Variants in KLHL7 observed in about 807,000 individuals in gnomAD.
The protein encoded by KLHL7 is kelch-like protein 7.
A neutral mutation model predicts 67.4 loss-of-function variants in KLHL7; 44 were observed. That is an observed-to-expected ratio of 0.65 (90% confidence interval 0.51 to 0.84). The LOEUF (loss-of-function observed/expected upper bound fraction) is 0.84, where lower values mean the gene tolerates loss of function less well. KLHL7 is among the 40% of genes least tolerant of loss of function. The pLI, the probability that KLHL7 is intolerant of heterozygous loss-of-function variation, is 0.00. For synonymous variants in KLHL7, 252 were observed against 243.3 expected, an observed-to-expected ratio of 1.04 and a Z score of -0.33; for missense variants, 362 against 718.1, an observed-to-expected ratio of 0.50 and a Z score of 5.67.
intron 5 of KLHL7, among the ~76,000 whole-genome samples, 196 bp from the exon 6 acceptor site, chr7:23,143,655 A>T (rs1240913054): frequency 6.6e-6 from 1 of 152,174 alleles, no homozygotes; most frequent in Non-Finnish European, 1.5e-5. Flanking sequence ...GTTCTAAAAA[A>T]CATATTACCT....
chr7:23,113,082 T>C (rs1382796869), intron 1 of KLHL7, among the ~76,000 whole-genome samples: 5 of 151,966 alleles, frequency 3.3e-5, no homozygotes, highest in African/African-American at 9.7e-5. Flanking sequence ...GTAGGTGTGT[T>C]TGGAATCAGA....
rs546093520 is a variant in KLHL7 at position 23,146,962 on chromosome 7, G to T, written c.793+2937G>T. 2.0e-3 allele frequency among the ~76,000 whole-genome samples: 311 copies of T among 151,916 alleles called. 3 individuals are homozygous for T. Among genetic ancestry groups the T allele is most frequent in the African/African-American group, 7.1e-3 (296 of 41,426 alleles). The stretch of plus-strand genomic sequence containing the variant: ...TGTTGTACTTCATTTAAATTGCCAT[G>T]TGTCTCTGGAGAATTTGTAATTTTC... On this transcript the variant is annotated intron_variant, in intron 6 of 10. Coordinates refer to ENST00000339077, the MANE Select transcript of KLHL7 (RefSeq NM_001031710.3).
Position 23,106,566 on chromosome 7 carries a change from C to G in KLHL7, c.120+420C>G, listed in dbSNP as rs1488634142. ...CCCCCAAAGGGAGGAGAGTTGCTGG[C>G]CTGACATCAGCTGCTCTTAAATAAG... On this transcript the variant is annotated intron_variant, in intron 1 of 10. Coordinates refer to ENST00000339077, the MANE Select transcript of KLHL7 (RefSeq NM_001031710.3). 4 of 1,053,982 alleles carry G rather than the reference C, an allele frequency of 3.8e-6. 1 individual carries two copies. The South Asian group carries it at 1.2e-4, about 32-fold the overall frequency. The allele number at this position is 1,053,982 out of a possible 1,614,324, so 65.3% of individuals were successfully genotyped here.
rs527276218 is a variant in KLHL7, at chr7:23,167,900, C to T, written c.1242C>T (p.Pro414=). ...GAACTGAAAGCTGGCACACAAAGCC[C>T]AGCATGCTGACCCAGCGCTGCAGCC... ...DTRTESWHTK[P]SMLTQRCSHG... Residue 414 remains proline (P), a synonymous_variant, in exon 9 of 11, where the codon CCC becomes CCT. Coordinates refer to ENST00000339077, the MANE Select transcript of KLHL7 (RefSeq NM_001031710.3). 4 of 1,614,128 alleles carry T rather than the reference C, an allele frequency of 2.5e-6. No individual in the cohort carries two copies. The African/African-American group carries it at 5.3e-5, about 22-fold the overall frequency.
chr7:23,126,949 T>C lies in KLHL7; in HGVS notation c.442+1777T>C, dbSNP rs1016104376. Among the ~76,000 whole-genome samples the C allele has an allele frequency of 8.5e-5, 13 of 152,300 alleles. No individual in the cohort carries two copies. In the South Asian group the frequency reaches 2.5e-3, roughly 29 times the overall value. ...TAAAAGGCCAATCTCTAATCCTACC[T>C]GTACAGCAGAGACACTCTGGCATGA... On this transcript the variant is annotated intron_variant, in intron 4 of 10. Coordinates refer to ENST00000339077, the MANE Select transcript of KLHL7 (RefSeq NM_001031710.3).
At chr7:23,147,716 C>A (rs1032943737) in intron 6 of KLHL7, among the ~76,000 whole-genome samples, 1 of 152,116 alleles carries the variant, frequency 6.6e-6, no homozygotes, top group East Asian at 1.9e-4. Context: ...TTGCCAAGTT[C>A]TATAGGGCAC....
In KLHL7 at chr7:23,174,996, C is replaced by G. The variant is rs990286033; in HGVS notation, c.*698C>G. 1 of 448,734 alleles carries G rather than the reference C, an allele frequency of 2.2e-6. No individual in the cohort carries two copies. Among genetic ancestry groups the G allele is most frequent in the Non-Finnish European group, 4.5e-6 (1 of 224,122 alleles). The allele number at this position is 448,734 out of a possible 1,614,324, so 27.8% of individuals were successfully genotyped here. A position where few individuals can be genotyped will look rare whatever the true frequency, so the allele number is the denominator to read the frequency against. On this transcript the variant is annotated 3_prime_UTR_variant, in exon 11 of 11. Transcript: ENST00000339077. The stretch of plus-strand genomic sequence containing the variant: ...CATTAATTTATGTCTCTGTTTTATC[C>G]AGTGGTTAAAAAAGGATTCTGCCTC...
chr7:23,172,935 T>G lies in KLHL7; in HGVS notation c.1380-13T>G, dbSNP rs1785206950. 1 of 1,607,610 alleles carries G rather than the reference T, an allele frequency of 6.2e-7. No individual in the cohort carries two copies. Among genetic ancestry groups the G allele is most frequent in the African/African-American group, 1.3e-5 (1 of 74,796 alleles). ...CCTGTAAACAAGCACACTAAAAACT[T>G]TAATTTTTTCAGATGGACTGAGCTG... On this transcript the variant is annotated splice_polypyrimidine_tract_variant and intron_variant, in intron 9 of 10. Transcript: ENST00000339077.
At chr7:23,123,733 G>C in intron 1 of KLHL7, 44 bp from the exon 2 acceptor site, 1 of 1,333,176 alleles carries the variant, frequency 7.5e-7, no homozygotes, top group Non-Finnish European at 1.1e-6. Flanking sequence ...GCCAAGCTAG[G>C]CTAGTGAGCC....
chr7:23,147,203 C>T (rs926154308), intron 6 of KLHL7, among the ~76,000 whole-genome samples: 2 of 151,720 alleles, frequency 1.3e-5, no homozygotes, highest in Non-Finnish European at 2.9e-5. Flanking sequence ...GATTCTCGTG[C>T]CTCAGCCTCC....
In KLHL7 at chr7:23,144,458, C is replaced by A. The variant is rs571762457; in HGVS notation, c.793+433C>A. ...CTGGCTAAGTCCCAACCCCTCAACA[C>A]CTTTGTACAATGCCACTTAATAAAA... On this transcript the variant is annotated intron_variant, in intron 6 of 10. Transcript: ENST00000339077. 2.0e-5 allele frequency among the ~76,000 whole-genome samples: 3 copies of A among 152,300 alleles called. No homozygotes were observed. In the East Asian group the frequency reaches 5.8e-4, roughly 29 times the overall value.
intron 1 of KLHL7, among the ~76,000 whole-genome samples, chr7:23,114,662 T>C (rs981114607): frequency 6.6e-6 from 1 of 152,236 alleles, no homozygotes. Context: ...TACCAATAAC[T>C]GTTCTTTTTT....
At chr7:23,133,198 A>G (rs569982855) in intron 4 of KLHL7, among the ~76,000 whole-genome samples, 1 of 152,290 alleles carries the variant, frequency 6.6e-6, no homozygotes, top group Non-Finnish European at 1.5e-5. Context: ...GTATTTTGAT[A>G]GGGATTACAT....
intron 4 of KLHL7, among the ~76,000 whole-genome samples, chr7:23,135,727 C>G (rs931624519): frequency 6.6e-6 from 1 of 152,134 alleles, no homozygotes; most frequent in Non-Finnish European, 1.5e-5. Context: ...TTCTGCTGCC[C>G]TGATGTCTCA....
chr7:23,129,457 C>T, intron 4 of KLHL7: 4 of 352,294 alleles, frequency 1.1e-5, no homozygotes, highest in Admixed American at 3.4e-5. Flanking sequence ...AAGGACACTG[C>T]CATAGGCAGA....
chr7:23,123,783 T>C lies in KLHL7; in HGVS notation c.127T>C (p.Leu43=), dbSNP rs1783448252. ...GTATTTTTCCTTTGATTAGAAAACG[T>C]TGTGTGACGTGATCCTCATGGTCCA... ...VMNNMRKQKT[L]CDVILMVQER... Residue 43 remains leucine (L), a synonymous_variant, in exon 2 of 11, where the codon TTG becomes CTG. Coordinates refer to ENST00000339077, the MANE Select transcript of KLHL7 (RefSeq NM_001031710.3). 6.8e-6 allele frequency: 11 copies of C among 1,611,078 alleles called. No homozygotes were observed. The highest frequency in any genetic ancestry group is 2.2e-5 in the South Asian group (2 of 90,970).
At chr7:23,125,838 G>A (rs772915903) in intron 4 of KLHL7, 102 of 1,550,436 alleles carry the variant, frequency 6.6e-5, no homozygotes, top group Non-Finnish European at 8.6e-5. Flanking sequence ...AGTGGCACAT[G>A]AATGAACGTC....
intron 9 of KLHL7, among the ~76,000 whole-genome samples, chr7:23,171,714 G>GT (rs1412034405): frequency 6.6e-6 from 1 of 152,110 alleles, no homozygotes. Context: ...TCATCAAATT[G>GT]TTTTTTGTTT....
At chr7:23,148,988 T>C (rs775868618) in intron 6 of KLHL7, among the ~76,000 whole-genome samples, 1 of 152,236 alleles carries the variant, frequency 6.6e-6, no homozygotes, top group African/African-American at 2.4e-5. Context: ...GCCTTTCTTT[T>C]TCAGATCATC....
Sources: gnomAD v4.1 joint callset for allele counts (sites outside exome capture counted in the v4.1 genomes callset) on GRCh38, gnomAD v4.1.1 for gene constraint, MANE v1.5 for transcripts, NCBI Gene and HGNC (gene_info 2026-07-23, HGNC 2026-07-21) for gene names.